Variants in ASCC3 observed in about 807,000 individuals in gnomAD.
ASCC3 encodes activating signal cointegrator 1 complex subunit 3.
A neutral mutation model predicts 256.3 loss-of-function variants in ASCC3; 158 were observed. The ratio of observed to expected loss-of-function variants is 0.62; its 90% CI spans 0.54 to 0.70. ASCC3 has a LOEUF of 0.70. Among genes scored for constraint, ASCC3 ranks in the 30% least tolerant of loss-of-function variants. The pLI, the probability that ASCC3 is intolerant of heterozygous loss-of-function variation, is 0.00. For synonymous variants in ASCC3, 948 were observed against 883.4 expected (o/e 1.07, Z -1.30); for missense variants, 2,259 against 2,626.0 (o/e 0.86, Z 3.05).
chr6:100,783,421 T>C (rs1428555727), intron 8 of ASCC3, among the ~76,000 whole-genome samples: 1 of 152,164 alleles, frequency 6.6e-6, no homozygotes, highest in East Asian at 1.9e-4. Flanking sequence ...TGTTATTAAC[T>C]GCAAGCCTAA....
At chr6:100,799,351 C>T (rs532897068) in intron 7 of ASCC3, 80 bp downstream of exon 7, 21 of 1,516,210 alleles carry the variant, frequency 1.4e-5, no homozygotes, top group East Asian at 2.3e-5. Context: ...GTTAGACTCA[C>T]GAAGGAACAG....
At chr6:100,777,080 C>T (rs750634827) in intron 8 of ASCC3, among the ~76,000 whole-genome samples, 9 of 152,214 alleles carry the variant, frequency 5.9e-5, no homozygotes, top group South Asian at 2.1e-4. Context: ...ATGCCATAAT[C>T]TACGTAAGTC....
In ASCC3 at chr6:100,508,390, T is replaced by C. The variant is rs2114593201; in HGVS notation, c.*996A>G. The C allele has an allele frequency of 6.6e-6, 1 of 152,304 alleles. No homozygotes were observed. Among genetic ancestry groups the C allele is most frequent in the Admixed American group, 6.5e-5 (1 of 15,302 alleles). 9.4% of individuals were successfully genotyped at this position (152,304 alleles called of 1,614,324 possible). ...TCATTCCACTAGAATGCATATTATA[T>C]GAACATTGAATTTTAACAAGTTTTT... is the stretch of plus-strand genomic sequence containing the variant. On this transcript the variant is annotated 3_prime_UTR_variant, in exon 42 of 42. Coordinates refer to ENST00000369162, the MANE Select transcript of ASCC3 (RefSeq NM_006828.4).
intron 14 of ASCC3, among the ~76,000 whole-genome samples, chr6:100,673,433 A>AT (rs1248452996): frequency 6.6e-6 from 1 of 152,094 alleles, no homozygotes; most frequent in Non-Finnish European, 1.5e-5. Flanking sequence ...TAATTAACAT[A>AT]TTTTTGTCAA....
At chr6:100,661,400 A>G (rs1419669700) in intron 16 of ASCC3, among the ~76,000 whole-genome samples, 2 of 151,066 alleles carry the variant, frequency 1.3e-5, no homozygotes, top group Admixed American at 1.3e-4. Context: ...ATTGTGTATA[A>G]CAAAGTTAAT....
intron 11 of ASCC3, among the ~76,000 whole-genome samples, chr6:100,723,181 A>G (rs1352000141): frequency 1.3e-5 from 2 of 151,624 alleles, no homozygotes; most frequent in African/African-American, 4.8e-5. Flanking sequence ...AATTTTTTCT[A>G]CTGTAAAATG....
At chr6:100,853,613 C>T (rs769877739) in intron 3 of ASCC3, among the ~76,000 whole-genome samples, 6 of 151,964 alleles carry the variant, frequency 3.9e-5, no homozygotes, top group Admixed American at 1.3e-4. Context: ...TACAGGCACA[C>T]GCCACTATGC....
chr6:100,641,887 A>T (rs933873954), intron 24 of ASCC3, among the ~76,000 whole-genome samples: 2 of 152,118 alleles, frequency 1.3e-5, no homozygotes, highest in Non-Finnish European at 2.9e-5. Context: ...GCTGGAAACC[A>T]TCATTCTCAG....
intron 25 of ASCC3, among the ~76,000 whole-genome samples, chr6:100,631,903 G>T (rs930398867): frequency 3.3e-5 from 5 of 151,760 alleles, no homozygotes. Context: ...AAAACTTAGG[G>T]TTAAGTAGGG....
chr6:100,697,506 T>C (rs78546444), intron 13 of ASCC3, among the ~76,000 whole-genome samples: 44 of 152,046 alleles, frequency 2.9e-4, no homozygotes, highest in African/African-American at 1.0e-3. Flanking sequence ...TAAATCTAAT[T>C]TTATATAAGT....
At chr6:100,637,799 A>T (rs1435134402) in intron 25 of ASCC3, among the ~76,000 whole-genome samples, 1 of 152,180 alleles carries the variant, frequency 6.6e-6, no homozygotes, top group East Asian at 1.9e-4. Context: ...TTAGAAGTGG[A>T]GCCTGATGAT....
chr6:100,853,720 C>T (rs13193963), intron 3 of ASCC3, among the ~76,000 whole-genome samples: 34,004 of 152,122 alleles, frequency 0.22, 4,503 homozygotes, highest in Middle Eastern at 0.31. Context: ...ATCTTGGCCT[C>T]CTAAAGGGCT....
intron 36 of ASCC3, among the ~76,000 whole-genome samples, chr6:100,572,310 A>G (rs921361496): frequency 6.6e-5 from 10 of 152,194 alleles, no homozygotes; most frequent in African/African-American, 2.2e-4. Context: ...TGTTTGCACC[A>G]GGAGAAAGGC....
chr6:100,662,537 C>A lies in ASCC3; in HGVS notation c.2287-1G>T. 1 of 1,612,478 alleles carries A rather than the reference C, an allele frequency of 6.2e-7. No homozygotes were observed. Among genetic ancestry groups the A allele is most frequent in the African/African-American group, 1.3e-5 (1 of 74,928 alleles). On this transcript the variant is annotated splice_acceptor_variant, in intron 14 of 41. Transcript: ENST00000369162. LOFTEE classifies it high-confidence loss of function. ...CTTGCTTATTTCTCGACCTTTGTAC[C>A]TAGATACCAAGAAAGCGTAAGAGTA... is the stretch of plus-strand genomic sequence containing the variant.
At chr6:100,770,307 G>C (rs1033194542) in intron 8 of ASCC3, among the ~76,000 whole-genome samples, 6 of 151,820 alleles carry the variant, frequency 4.0e-5, no homozygotes, top group African/African-American at 1.5e-4. Flanking sequence ...AGAAGTAGAG[G>C]AGAATCCCTC....
At chr6:100,599,668 TAAA>T (rs919517334) in intron 34 of ASCC3, among the ~76,000 whole-genome samples, 1 of 151,052 alleles carries the variant, frequency 6.6e-6, no homozygotes. Context: ...GTTCAACAAT[TAAA>T]AAAAAATTTA....
At chr6:100,736,469 C>T (rs1780174747) in intron 10 of ASCC3, among the ~76,000 whole-genome samples, 1 of 151,984 alleles carries the variant, frequency 6.6e-6, no homozygotes, top group Non-Finnish European at 1.5e-5. Flanking sequence ...CCACTGCACT[C>T]CAGCCTGGGC....
chr6:100,646,851 G>A, intron 21 of ASCC3, 82 bp from the exon 22 acceptor site: 1 of 1,392,150 alleles, frequency 7.2e-7, no homozygotes, highest in Non-Finnish European at 1.0e-6. Flanking sequence ...GGATTTCAGA[G>A]AAGGTGATTT....
chr6:100,698,392 TTA>T (rs1778185574), intron 13 of ASCC3, among the ~76,000 whole-genome samples: 1 of 152,166 alleles, frequency 6.6e-6, no homozygotes, highest in Non-Finnish European at 1.5e-5. Context: ...TGGAGTGCTC[TTA>T]TGATAAGCTA....
Sources: gnomAD v4.1 joint callset for allele counts (sites outside exome capture counted in the v4.1 genomes callset) on GRCh38, gnomAD v4.1.1 for gene constraint, MANE v1.5 for transcripts, NCBI Gene and HGNC (gene_info 2026-07-23, HGNC 2026-07-21) for gene names.